Variants in ANKFN1 observed in about 807,000 individuals in gnomAD.
The protein encoded by ANKFN1 is ankyrin repeat and fibronectin type-III domain-containing protein 1.
In ANKFN1, 74 loss-of-function variants were observed where a neutral mutation model predicts 108.7. The ratio of observed to expected loss-of-function variants is 0.68; its 90% CI spans 0.56 to 0.83. The LOEUF (loss-of-function observed/expected upper bound fraction) is 0.83, where lower values mean the gene tolerates loss of function less well. Among genes scored for constraint, ANKFN1 ranks in the 40% least tolerant of loss-of-function variants. The pLI is 0.00. For synonymous variants in ANKFN1, 547 were observed against 516.2 expected, an observed-to-expected ratio of 1.06 and a Z score of -0.81; for missense variants, 1,505 against 1,382.3, an observed-to-expected ratio of 1.09 and a Z score of -1.41.
chr17:56,355,495 C>T (rs2046352652), intron 6 of ANKFN1, among the ~76,000 whole-genome samples: 1 of 152,150 alleles, frequency 6.6e-6, no homozygotes, highest in Non-Finnish European at 1.5e-5. Context: ...AGAGAAGTCA[C>T]AGGGACCAGA....
intron 2 of ANKFN1, among the ~76,000 whole-genome samples, chr17:56,222,357 G>A (rs1227730829): frequency 6.6e-6 from 1 of 152,152 alleles, no homozygotes; most frequent in African/African-American, 2.4e-5. Flanking sequence ...CTACATGTGT[G>A]CTGAGGACTT....
chr17:56,213,796 T>C (rs1915218811), intron 2 of ANKFN1, among the ~76,000 whole-genome samples: 1 of 152,222 alleles, frequency 6.6e-6, no homozygotes. Flanking sequence ...AATAAGCACA[T>C]GGCTATTTAA....
intron 4 of ANKFN1, among the ~76,000 whole-genome samples, chr17:56,053,470 G>A (rs777853851): frequency 6.6e-6 from 1 of 152,120 alleles, no homozygotes; most frequent in Non-Finnish European, 1.5e-5. Flanking sequence ...CCATGACATT[G>A]CAAATGACAG....
At chr17:56,281,912 G>A (rs2144248287) in intron 3 of ANKFN1, among the ~76,000 whole-genome samples, 1 of 152,264 alleles carries the variant, frequency 6.6e-6, no homozygotes, top group Non-Finnish European at 1.5e-5. Flanking sequence ...CATTACATTG[G>A]AAAACTATTT....
intron 15 of ANKFN1, among the ~76,000 whole-genome samples, chr17:56,470,136 G>A (rs1387133166): frequency 6.6e-6 from 1 of 152,178 alleles, no homozygotes; most frequent in African/African-American, 2.4e-5. Context: ...TCTTATGGCT[G>A]CATAGTATTC....
At chr17:56,177,628 A>C (rs1177391402) in intron 1 of ANKFN1, among the ~76,000 whole-genome samples, 1 of 152,228 alleles carries the variant, frequency 6.6e-6, no homozygotes, top group Admixed American at 6.5e-5. Context: ...TGCCTCACAA[A>C]ATAAAAGATC....
intron 1 of ANKFN1, among the ~76,000 whole-genome samples, chr17:56,180,987 T>A (rs1408220086): frequency 1.3e-5 from 2 of 152,186 alleles, no homozygotes; most frequent in Non-Finnish European, 2.9e-5. Flanking sequence ...TTGCCTTACA[T>A]TATGTGTAGC....
chr17:56,074,205 G>A (rs1222737068), intron 4 of ANKFN1, among the ~76,000 whole-genome samples: 1 of 152,176 alleles, frequency 6.6e-6, no homozygotes, highest in East Asian at 1.9e-4. Flanking sequence ...TGGCATGTGA[G>A]AAGAGGCACT....
At chr17:56,073,288 G>A (rs565374547) in intron 4 of ANKFN1, among the ~76,000 whole-genome samples, 2 of 152,172 alleles carry the variant, frequency 1.3e-5, no homozygotes, top group African/African-American at 2.4e-5. Flanking sequence ...CACCGCGCCC[G>A]GCCTATTATT....
intron 4 of ANKFN1, among the ~76,000 whole-genome samples, chr17:56,130,768 T>A (rs1463349562): frequency 6.6e-6 from 1 of 151,988 alleles, no homozygotes; most frequent in Non-Finnish European, 1.5e-5. Flanking sequence ...AGCCTGAGAG[T>A]GTATTCAGGC....
chr17:56,166,593 G>A (rs1348265334), intron 1 of ANKFN1, among the ~76,000 whole-genome samples: 1 of 151,958 alleles, frequency 6.6e-6, no homozygotes, highest in Non-Finnish European at 1.5e-5. Context: ...ACCGCATTTT[G>A]AACAGTTCCT....
Position 56,511,275 on chromosome 17 carries a change from C to A in ANKFN1, c.*6C>A. On this transcript the variant is annotated 3_prime_UTR_variant, in exon 21 of 21. Transcript: ENST00000682825. ...TACTCAGCAGCATGCTTTAGGGAGG[C>A]CCATCCCGGCTGTCCACCCCTCCAT... 1 of 1,505,774 alleles carries A rather than the reference C, an allele frequency of 6.6e-7. No individual in the cohort carries two copies. Among genetic ancestry groups the A allele is most frequent in the South Asian group, 1.3e-5 (1 of 79,452 alleles). The allele number at this position is 1,505,774 out of a possible 1,614,324, so 93.3% of individuals were successfully genotyped here.
chr17:56,090,371 A>G (rs1161629095), intron 4 of ANKFN1, among the ~76,000 whole-genome samples: 1 of 151,274 alleles, frequency 6.6e-6, no homozygotes, highest in African/African-American at 2.4e-5. Context: ...CTAACCCACC[A>G]TATTCAATTT....
At chr17:56,064,231 C>T (rs1905024599) in intron 4 of ANKFN1, among the ~76,000 whole-genome samples, 1 of 143,248 alleles carries the variant, frequency 7.0e-6, no homozygotes, top group Non-Finnish European at 1.6e-5. Flanking sequence ...GGAGTAGGAC[C>T]CACTTAATGA....
At chr17:56,167,304 T>C (rs1010113993) in intron 1 of ANKFN1, among the ~76,000 whole-genome samples, 91 of 95,914 alleles carry the variant, frequency 9.5e-4, no homozygotes, top group African/African-American at 3.3e-3. Flanking sequence ...CATACATATA[T>C]ACACACACAC....
intron 10 of ANKFN1, among the ~76,000 whole-genome samples, chr17:56,446,843 T>G (rs1028309714): frequency 2.6e-4 from 39 of 152,058 alleles, no homozygotes; most frequent in Middle Eastern, 3.2e-3. Flanking sequence ...AGGCGGAGGT[T>G]GCAGTGAGCT....
chr17:56,178,402 G>A (rs1013935248), intron 1 of ANKFN1, among the ~76,000 whole-genome samples: 2 of 152,124 alleles, frequency 1.3e-5, no homozygotes, highest in African/African-American at 2.4e-5. Context: ...TTTTGCTGAT[G>A]TAAACACATT....
chr17:56,448,485 G>A (rs927173176), intron 10 of ANKFN1, among the ~76,000 whole-genome samples: 1 of 152,186 alleles, frequency 6.6e-6, no homozygotes, highest in Non-Finnish European at 1.5e-5. Flanking sequence ...GTGGTTGGTG[G>A]CTCAGAGTAT....
intron 1 of ANKFN1, among the ~76,000 whole-genome samples, chr17:56,186,390 G>A (rs921928674): frequency 1.1e-4 from 17 of 151,774 alleles, no homozygotes; most frequent in African/African-American, 2.7e-4. Context: ...CCTCAATAAC[G>A]TGAGTTAAGA....
Sources: gnomAD v4.1 joint callset for allele counts (sites outside exome capture counted in the v4.1 genomes callset) on GRCh38, gnomAD v4.1.1 for gene constraint, MANE v1.5 for transcripts, NCBI Gene and HGNC (gene_info 2026-07-23, HGNC 2026-07-21) for gene names.